The following PLCH1 variants were observed in gnomAD, a reference collection of about 807,000 sequenced individuals.
PLCH1 encodes 1-phosphatidylinositol 4,5-bisphosphate phosphodiesterase eta-1.
Under a neutral mutation model 126.7 loss-of-function variants are expected in PLCH1, and 60 were observed. That is an observed-to-expected ratio of 0.47 (90% CI 0.38 to 0.59). The LOEUF is 0.59. Among genes scored for constraint, PLCH1 ranks in the 20% least tolerant of loss-of-function variants. PLCH1 has a pLI of 0.00. For missense variants in PLCH1, 1,723 were observed against 2,040.0 expected, an observed-to-expected ratio of 0.84 and a Z score of 2.99; for synonymous variants, 719 against 734.9, an observed-to-expected ratio of 0.98 and a Z score of 0.35.
intron 6 of PLCH1, among the ~76,000 whole-genome samples, chr3:155,581,513 GA>G (rs1730675112): frequency 1.3e-5 from 2 of 152,242 alleles, no homozygotes; most frequent in East Asian, 3.9e-4. Flanking sequence ...AATGAATCTT[GA>G]AAACATTACG....
chr3:155,468,065 C>A (rs1002757740), intron 21 of PLCH1, among the ~76,000 whole-genome samples: 1 of 152,016 alleles, frequency 6.6e-6, no homozygotes, highest in Non-Finnish European at 1.5e-5. Context: ...ATAGTCAGTA[C>A]AATAAGATAT....
At chr3:155,637,142 C>G (rs1362120931) in intron 2 of PLCH1, among the ~76,000 whole-genome samples, 1 of 152,144 alleles carries the variant, frequency 6.6e-6, no homozygotes, top group East Asian at 1.9e-4. Flanking sequence ...CTTTTCCCCC[C>G]AAACTGATTG....
chr3:155,715,579 A>G (rs925817574), intron 1 of PLCH1, among the ~76,000 whole-genome samples: 4 of 146,098 alleles, frequency 2.7e-5, no homozygotes, highest in Non-Finnish European at 6.0e-5. Context: ...TGCTATGTTT[A>G]TAGGAATGAG....
chr3:155,554,365 A>G (rs1351718212), intron 8 of PLCH1, among the ~76,000 whole-genome samples, 169 bp from the exon 9 acceptor site: 1 of 152,248 alleles, frequency 6.6e-6, no homozygotes, highest in East Asian at 1.9e-4. Flanking sequence ...ATTTATCAGA[A>G]CAAGGAATTA....
At chr3:155,533,041 G>A (rs891514193) in intron 10 of PLCH1, among the ~76,000 whole-genome samples, 1 of 152,230 alleles carries the variant, frequency 6.6e-6, no homozygotes, top group Non-Finnish European at 1.5e-5. Context: ...CCAGGTTGAG[G>A]TGGTCTCAGA....
At chr3:155,479,563 C>T (rs1000297375), downstream of PLCH1, among the ~76,000 whole-genome samples, 6 of 151,816 alleles carry the variant, frequency 4.0e-5, no homozygotes, top group Non-Finnish European at 8.8e-5. Flanking sequence ...CACCCACGAC[C>T]ACCACCACCA....
chr3:155,675,180 C>A (rs1481453777), intron 2 of PLCH1, among the ~76,000 whole-genome samples: 2 of 152,180 alleles, frequency 1.3e-5, no homozygotes, highest in East Asian at 3.8e-4. Flanking sequence ...TAGCAACAAT[C>A]TCCAGACAGG....
chr3:155,699,292 G>T (rs1028756095), intron 2 of PLCH1, among the ~76,000 whole-genome samples: 1 of 152,026 alleles, frequency 6.6e-6, no homozygotes, highest in African/African-American at 2.4e-5. Context: ...GGCCAGGCTG[G>T]TCTCAAACTC....
intron 2 of PLCH1, among the ~76,000 whole-genome samples, chr3:155,633,013 C>A (rs1002152059): frequency 1.3e-5 from 2 of 152,062 alleles, no homozygotes; most frequent in East Asian, 3.9e-4. Flanking sequence ...TAACGTATTT[C>A]CAGATTTTTC....
intron 2 of PLCH1, among the ~76,000 whole-genome samples, chr3:155,627,030 C>G (rs1488590768): frequency 6.6e-6 from 1 of 152,004 alleles, no homozygotes; most frequent in Non-Finnish European, 1.5e-5. Context: ...AGAAAATACC[C>G]TTACTCATGG....
chr3:155,543,747 G>T (rs1235743063), intron 10 of PLCH1, among the ~76,000 whole-genome samples: 4 of 151,098 alleles, frequency 2.6e-5, no homozygotes, highest in Non-Finnish European at 5.9e-5. Context: ...CATTCTTAAA[G>T]AAAAGAATTT....
intron 2 of PLCH1, among the ~76,000 whole-genome samples, chr3:155,666,067 A>T (rs999522883): frequency 6.6e-6 from 1 of 152,212 alleles, no homozygotes; most frequent in African/African-American, 2.4e-5. Flanking sequence ...GTCTACTAGT[A>T]TATATTTAGG....
chr3:155,727,015 C>T (rs957829599), intron 1 of PLCH1, among the ~76,000 whole-genome samples: 8 of 151,718 alleles, frequency 5.3e-5, no homozygotes, highest in Non-Finnish European at 1.0e-4. Flanking sequence ...CCACTGCGCC[C>T]GGCTCAAATT....
intron 2 of PLCH1, among the ~76,000 whole-genome samples, chr3:155,666,607 G>T (rs1338586758): frequency 6.6e-6 from 1 of 152,170 alleles, no homozygotes; most frequent in Non-Finnish European, 1.5e-5. Context: ...ATCAAGGATG[G>T]TGGGTGAATT....
intron 2 of PLCH1, chr3:155,676,422 T>C: frequency 2.0e-6 from 2 of 994,810 alleles, no homozygotes; most frequent in Non-Finnish European, 2.4e-6. Context: ...ATTATGCACA[T>C]TTAATGTCTG....
intron 1 of PLCH1, among the ~76,000 whole-genome samples, chr3:155,740,605 C>A (rs1379449992): frequency 6.6e-6 from 1 of 151,598 alleles, no homozygotes; most frequent in African/African-American, 2.4e-5. Flanking sequence ...AATCCCAGCA[C>A]CTTGAGAGGC....
At chr3:155,502,398 C>T (rs188868796) in intron 13 of PLCH1, among the ~76,000 whole-genome samples, 4 of 152,270 alleles carry the variant, frequency 2.6e-5, no homozygotes, top group South Asian at 4.2e-4. Context: ...TAATGGACAA[C>T]AATTTATTCT....
At chr3:155,681,619 C>T (rs79046466) in intron 2 of PLCH1, among the ~76,000 whole-genome samples, 2,976 of 152,236 alleles carry the variant, frequency 0.02, 105 homozygotes, top group African/African-American at 0.069. Flanking sequence ...ACAGAGCAAC[C>T]AGAGCTTAAT....
intron 21 of PLCH1, among the ~76,000 whole-genome samples, chr3:155,473,657 A>G (rs1257756113): frequency 3.3e-5 from 5 of 151,854 alleles, no homozygotes; most frequent in African/African-American, 9.7e-5. Flanking sequence ...GAGGCATCAC[A>G]CTCCCTGACT....
Sources: allele counts gnomAD v4.1 joint callset (sites outside exome capture counted in the v4.1 genomes callset), GRCh38; gene constraint gnomAD v4.1.1; transcripts MANE v1.5; gene names NCBI Gene and HGNC (gene_info 2026-07-23, HGNC 2026-07-21).